CHST8: variants seen among roughly 807,000 people sequenced by gnomAD.
CHST8 encodes the protein carbohydrate sulfotransferase 8, also known as GALNAC-4-ST1.
In CHST8, 10 loss-of-function variants were observed where a neutral mutation model predicts 15.0. The ratio of observed to expected loss-of-function variants is 0.67; its 90% confidence interval spans 0.41 to 1.13. CHST8 has a LOEUF of 1.13. CHST8 is among the 50% of genes most tolerant of loss of function. The pLI is 0.00. For missense variants in CHST8, 634 were observed against 608.2 expected (o/e 1.04, Z -0.45); for synonymous variants, 259 against 256.6 (o/e 1.01, Z -0.09).
At chr19:33,721,622 A>T (rs1238072950) in intron 3 of CHST8, among the ~76,000 whole-genome samples, 2 of 103,284 alleles carry the variant, frequency 1.9e-5, no homozygotes, top group Non-Finnish European at 3.8e-5. Flanking sequence ...GAGTAGGCAG[A>T]TAGATGGATG....
intron 1 of CHST8, among the ~76,000 whole-genome samples, chr19:33,638,752 T>C (rs1287996833): frequency 6.6e-6 from 1 of 152,112 alleles, no homozygotes; most frequent in African/African-American, 2.4e-5. Context: ...CAGCCAGGGC[T>C]TTGTAATTTA....
At chr19:33,764,477 G>A (rs1181057257) in intron 3 of CHST8, among the ~76,000 whole-genome samples, 3 of 152,146 alleles carry the variant, frequency 2.0e-5, no homozygotes, top group Non-Finnish European at 4.4e-5. Context: ...TCCAGCCTGG[G>A]TGACTGAGCA....
chr19:33,766,677 A>C (rs1328538035), intron 3 of CHST8, among the ~76,000 whole-genome samples: 1 of 152,234 alleles, frequency 6.6e-6, no homozygotes, highest in Non-Finnish European at 1.5e-5. Context: ...CGGGTACTGC[A>C]CGTGCTGAGG....
Position 33,645,293 on chromosome 19 carries a change from C to T in CHST8, c.-163-22474C>T, listed in dbSNP as rs375406129. Among the ~76,000 whole-genome samples, 6 of 152,198 alleles carry T rather than the reference C, an allele frequency of 3.9e-5. No individual in the cohort carries two copies. The East Asian group carries it at 9.7e-4, about 25-fold the overall frequency. ...AGAACAGAGTACAGAGTAGGAAATT[C>T]GACTTTACTCTGTGTGCGTGGGGAG... On this transcript the variant is annotated intron_variant, in intron 1 of 4. Coordinates refer to ENST00000650847, the MANE Select transcript of CHST8 (RefSeq NM_001127895.2).
chr19:33,691,881 C>T (rs1327111422), intron 3 of CHST8, among the ~76,000 whole-genome samples: 2 of 152,196 alleles, frequency 1.3e-5, no homozygotes, highest in Non-Finnish European at 2.9e-5. Context: ...AATTCCATAC[C>T]ATGGCATGAA....
rs1351130813 is a variant in CHST8 at position 33,637,774 on chromosome 19, G to A, written c.-164+15478G>A. ...GCTCTTTGGGAGGCCCAGGCAGGAG[G>A]ATCGCTTGAGTCCAGAAGTTCGAGG... On this transcript the variant is annotated intron_variant, in intron 1 of 4. Transcript: ENST00000650847. 3.4e-5 allele frequency among the ~76,000 whole-genome samples: 5 copies of A among 146,360 alleles called. No homozygotes were observed. The South Asian group carries it at 6.7e-4, about 20-fold the overall frequency.
At chr19:33,628,031 A>G (rs1246920749) in intron 1 of CHST8, among the ~76,000 whole-genome samples, 2 of 152,212 alleles carry the variant, frequency 1.3e-5, no homozygotes, top group African/African-American at 4.8e-5. Flanking sequence ...GAGACCTACC[A>G]AAGAGCAATC....
chr19:33,771,083 A>T (rs779567491), intron 3 of CHST8, among the ~76,000 whole-genome samples: 2 of 152,082 alleles, frequency 1.3e-5, no homozygotes, highest in Non-Finnish European at 2.9e-5. Context: ...GGCCTGTGAG[A>T]GTCCTGGCTG....
intron 1 of CHST8, among the ~76,000 whole-genome samples, chr19:33,648,936 C>T (rs1972395148): frequency 9.0e-6 from 1 of 111,514 alleles, no homozygotes; most frequent in African/African-American, 3.6e-5. Flanking sequence ...TGGAGTCTCG[C>T]TTTGTCATCC....
chr19:33,741,533 A>T (rs375231904), intron 3 of CHST8, among the ~76,000 whole-genome samples: 79 of 152,260 alleles, frequency 5.2e-4, no homozygotes, highest in African/African-American at 1.6e-3. Flanking sequence ...TAGCAAATAT[A>T]CCATCATCCC....
At chr19:33,745,933 C>T (rs193214926) in intron 3 of CHST8, among the ~76,000 whole-genome samples, 9 of 152,348 alleles carry the variant, frequency 5.9e-5, no homozygotes, top group African/African-American at 2.2e-4. Context: ...CCCCTGCTGT[C>T]CTGGCTCCTC....
intron 2 of CHST8, among the ~76,000 whole-genome samples, chr19:33,677,083 C>T (rs1239157204): frequency 6.6e-6 from 1 of 152,166 alleles, no homozygotes; most frequent in Non-Finnish European, 1.5e-5. Flanking sequence ...ACTATAAAAA[C>T]GCCTGTCTTC....
At chr19:33,636,999 A>G (rs1423252438) in intron 1 of CHST8, among the ~76,000 whole-genome samples, 1 of 152,234 alleles carries the variant, frequency 6.6e-6, no homozygotes, top group African/African-American at 2.4e-5. Flanking sequence ...TTATTTCTTG[A>G]TGATACGCAA....
intron 1 of CHST8, among the ~76,000 whole-genome samples, chr19:33,648,584 A>G (rs1568314046): frequency 6.6e-6 from 1 of 152,234 alleles, no homozygotes; most frequent in Non-Finnish European, 1.5e-5. Flanking sequence ...AATTAAAAAA[A>G]TTAAAGTTGA....
Position 33,670,745 on chromosome 19 carries a change from G to T in CHST8, c.-87+2902G>T, listed in dbSNP as rs564191540. ...GGCGTTCAGCCTTTGCCAACTGCAG[G>T]TTGATGGAATTGTCGGAGAGAGAGC... On this transcript the variant is annotated intron_variant, in intron 2 of 4. Coordinates refer to ENST00000650847, the MANE Select transcript of CHST8 (RefSeq NM_001127895.2). Among the ~76,000 whole-genome samples the T allele has an allele frequency of 2.0e-3, 303 of 152,296 alleles. 1 individual carries two copies. Among genetic ancestry groups the T allele is most frequent in the African/African-American group, 7.0e-3 (289 of 41,578 alleles).
intron 3 of CHST8, among the ~76,000 whole-genome samples, chr19:33,736,031 T>C (rs1483072940): frequency 6.6e-6 from 1 of 152,186 alleles, no homozygotes; most frequent in Non-Finnish European, 1.5e-5. Context: ...CCAACGATGC[T>C]AAGAATCCAT....
chr19:33,629,396 T>A (rs1008989228), intron 1 of CHST8, among the ~76,000 whole-genome samples: 2 of 152,230 alleles, frequency 1.3e-5, no homozygotes, highest in Non-Finnish European at 2.9e-5. Context: ...CCTCTCTCCT[T>A]TTCCTCCTCC....
intron 1 of CHST8, among the ~76,000 whole-genome samples, chr19:33,665,445 C>A (rs1275285628): frequency 6.6e-6 from 1 of 152,124 alleles, no homozygotes; most frequent in East Asian, 1.9e-4. Context: ...TGGCTGTGTT[C>A]CAATAAAACT....
At chr19:33,657,900 G>A (rs1028460783) in intron 1 of CHST8, among the ~76,000 whole-genome samples, 2 of 152,114 alleles carry the variant, frequency 1.3e-5, no homozygotes, top group South Asian at 2.1e-4. Flanking sequence ...AAATTTTTTA[G>A]CAAGTCTAAA....
Sources: allele counts gnomAD v4.1 joint callset (sites outside exome capture counted in the v4.1 genomes callset), GRCh38; gene constraint gnomAD v4.1.1; transcripts MANE v1.5; gene names NCBI Gene and HGNC (gene_info 2026-07-23, HGNC 2026-07-21).